The following NEK6 variants were observed in gnomAD, a reference collection of about 807,000 sequenced individuals.
The protein encoded by NEK6 is serine/threonine-protein kinase Nek6.
NEK6 carries 27 observed loss-of-function variants against 43.5 expected under a neutral mutation model. The ratio of observed to expected loss-of-function variants is 0.62; its 90% CI spans 0.46 to 0.86. The LOEUF (loss-of-function observed/expected upper bound fraction) is 0.86. NEK6 is among the 40% of genes least tolerant of loss of function. NEK6 has a pLI of 0.00. For synonymous variants in NEK6, 167 were observed against 164.1 expected (o/e 1.02, Z -0.14); for missense variants, 318 against 414.4 (o/e 0.77, Z 2.02).
rs543035460 is a variant in NEK6, at chr9:124,274,126, A to G, written c.-30+16041A>G. 5.9e-5 allele frequency among the ~76,000 whole-genome samples: 9 copies of G among 152,358 alleles called. No homozygotes were observed. In the South Asian group the frequency reaches 1.9e-3, roughly 32 times the overall value. On this transcript the variant is annotated intron_variant, in intron 1 of 9. Transcript: ENST00000320246. ...TGCTTAGAGGGGAAGGGAAAGAAAG[A>G]GAGGGAGAGAAAACTCTTACAAATG...
intron 1 of NEK6, among the ~76,000 whole-genome samples, chr9:124,297,962 A>G (rs1832775028): frequency 6.6e-6 from 1 of 152,224 alleles, no homozygotes; most frequent in South Asian, 2.1e-4. Context: ...CCAATAGAAC[A>G]AAATGCCCTA....
rs1179101487 is a variant in NEK6, at chr9:124,324,511, C to T, written c.406-1819C>T. 6.6e-6 allele frequency among the ~76,000 whole-genome samples: 1 copy of T among 152,218 alleles called. No homozygotes were observed. Among genetic ancestry groups the T allele is most frequent in the East Asian group, 1.9e-4 (1 of 5,196 alleles). ...CCTCCCCGCTAAATGTCAGACAGCG[C>T]TTATAGGACATGACATTTAGAAAAT... On this transcript the variant is annotated intron_variant, in intron 5 of 9. Coordinates refer to ENST00000320246, the MANE Select transcript of NEK6 (RefSeq NM_014397.6). The surrounding 1 kb of genome is among the most constrained non-coding windows in gnomAD (Gnocchi z 5.3).
intron 4 of NEK6, among the ~76,000 whole-genome samples, chr9:124,314,674 T>A (rs1833728779): frequency 6.6e-6 from 1 of 151,934 alleles, no homozygotes; most frequent in Admixed American, 6.6e-5. Flanking sequence ...TTATTTCTTT[T>A]GTTTTTTTTT....
chr9:124,294,491 C>CAAA (rs11315005), intron 1 of NEK6, among the ~76,000 whole-genome samples: 1 of 133,000 alleles, frequency 7.5e-6, no homozygotes, highest in Non-Finnish European at 1.6e-5. Flanking sequence ...GACTCCATCT[C>CAAA]AAAAAAAAAA....
chr9:124,312,391 C>A, intron 2 of NEK6, 118 bp from the exon 3 acceptor site: 1 of 1,214,442 alleles, frequency 8.2e-7, no homozygotes, highest in Non-Finnish European at 1.1e-6. Context: ...GCAGGGTTGG[C>A]AGCAGAGTCC....
At chr9:124,314,435 A>C in intron 4 of NEK6, among the ~76,000 whole-genome samples, 1 of 141,194 alleles carries the variant, frequency 7.1e-6, no homozygotes, top group African/African-American at 2.7e-5. Flanking sequence ...TCCTCTTTCC[A>C]TCTCTCCTCT....
chr9:124,303,368 A>C (rs1269655578), intron 2 of NEK6, among the ~76,000 whole-genome samples: 2 of 152,028 alleles, frequency 1.3e-5, no homozygotes, highest in African/African-American at 4.8e-5. Flanking sequence ...CTGATGTTTG[A>C]CCTCAATGGC....
intron 4 of NEK6, among the ~76,000 whole-genome samples, chr9:124,317,729 T>C (rs1161207618): frequency 1.3e-5 from 2 of 152,194 alleles, no homozygotes; most frequent in East Asian, 3.8e-4. Context: ...TTTATGTTTG[T>C]GTGTACCCAG....
At chr9:124,314,260 G>A (rs543230432) in intron 4 of NEK6, among the ~76,000 whole-genome samples, 12 of 152,196 alleles carry the variant, frequency 7.9e-5, no homozygotes, top group South Asian at 4.2e-4. Flanking sequence ...GGCAGTACCC[G>A]GCATAGAAGT....
chr9:124,314,272 C>G (rs1248433115), intron 4 of NEK6, among the ~76,000 whole-genome samples: 1 of 152,140 alleles, frequency 6.6e-6, no homozygotes, highest in Non-Finnish European at 1.5e-5. Context: ...CATAGAAGTC[C>G]TTCCCCACAG....
At chr9:124,260,018 TCTAGG>T (rs1830969841) in intron 1 of NEK6, among the ~76,000 whole-genome samples, 1 of 111,522 alleles carries the variant, frequency 9.0e-6, no homozygotes, top group East Asian at 2.8e-4. Context: ...TGGGAGCCGT[TCTAGG>T]GGGTGTGAAT....
chr9:124,309,245 G>A (rs966779810), intron 2 of NEK6, among the ~76,000 whole-genome samples: 9 of 152,338 alleles, frequency 5.9e-5, no homozygotes, highest in African/African-American at 1.9e-4. Flanking sequence ...CTCTAATTGG[G>A]TCGGATGGAC....
intron 1 of NEK6, chr9:124,292,184 G>C (rs1832455028): frequency 2.4e-6 from 3 of 1,258,808 alleles, no homozygotes; most frequent in Admixed American, 3.5e-5. Context: ...GGACCTCCAG[G>C]GCTGGAGCTC....
chr9:124,309,317 C>T (rs917778849), intron 2 of NEK6, among the ~76,000 whole-genome samples: 2 of 152,234 alleles, frequency 1.3e-5, no homozygotes, highest in African/African-American at 4.8e-5. Flanking sequence ...GCCCCAGCCA[C>T]CTCCACCCAC....
In NEK6 at chr9:124,324,843, T is replaced by C. The variant is rs1366174555; in HGVS notation, c.406-1487T>C. Among the ~76,000 whole-genome samples, 2 of 152,122 alleles carry C rather than the reference T, an allele frequency of 1.3e-5. No individual in the cohort carries two copies. Among genetic ancestry groups the C allele is most frequent in the African/African-American group, 4.8e-5 (2 of 41,420 alleles). On this transcript the variant is annotated intron_variant, in intron 5 of 9. Coordinates refer to ENST00000320246, the MANE Select transcript of NEK6 (RefSeq NM_014397.6). This position sits in a 1 kb window ranked among gnomAD's most constrained non-coding sequence, Gnocchi z 5.3. ...TGGGCATGTTCCTGAACCTCTGAGC[T>C]CAGTCTCCCATATCAATGGTTACTG...
chr9:124,310,055 G>A (rs1833452745), intron 2 of NEK6, among the ~76,000 whole-genome samples: 1 of 152,206 alleles, frequency 6.6e-6, no homozygotes, highest in Admixed American at 6.5e-5. Context: ...CCGGTCAGGG[G>A]GTCTTGAGTG....
intron 7 of NEK6, among the ~76,000 whole-genome samples, chr9:124,338,631 G>A (rs1435409922): frequency 6.6e-6 from 1 of 152,200 alleles, no homozygotes; most frequent in Non-Finnish European, 1.5e-5. Context: ...CGGCCAACCC[G>A]AGTCTGGACC....
intron 7 of NEK6, among the ~76,000 whole-genome samples, chr9:124,336,382 T>C (rs1829290296): frequency 6.6e-6 from 1 of 152,260 alleles, no homozygotes; most frequent in African/African-American, 2.4e-5. Flanking sequence ...TTAAAAATCA[T>C]AGTGACTGAC....
intron 2 of NEK6, among the ~76,000 whole-genome samples, chr9:124,311,064 C>T (rs1052953143): frequency 1.3e-5 from 2 of 152,192 alleles, no homozygotes; most frequent in African/African-American, 2.4e-5. Context: ...GCCCAGGAGA[C>T]GTGCCCCTGC....
Sources: allele counts gnomAD v4.1 joint callset (sites outside exome capture counted in the v4.1 genomes callset), GRCh38; gene constraint gnomAD v4.1.1; non-coding constraint Gnocchi (gnomAD v3.1); transcripts MANE v1.5; gene names NCBI Gene and HGNC (gene_info 2026-07-23, HGNC 2026-07-21).